Variants in TNS1 observed in about 807,000 individuals in gnomAD.
TNS1 encodes the protein tensin 1.
A neutral mutation model predicts 168.6 loss-of-function variants in TNS1; 62 were observed. The observed-to-expected ratio is 0.37, with a 90% confidence interval of 0.30 to 0.45. The LOEUF (loss-of-function observed/expected upper bound fraction) is 0.45, where lower values mean the gene tolerates loss of function less well. Among genes scored for constraint, TNS1 ranks in the 20% least tolerant of loss-of-function variants. TNS1 has a pLI of 1.00. For missense variants in TNS1, 2,240 were observed against 2,339.4 expected (o/e 0.96, Z 0.88); for synonymous variants, 934 against 933.2 (o/e 1.00, Z -0.02).
intron 18 of TNS1, among the ~76,000 whole-genome samples, chr2:217,869,496 C>T (rs1574887121): frequency 1.3e-5 from 2 of 152,284 alleles, no homozygotes; most frequent in East Asian, 3.9e-4. Context: ...CAAGAAGGCC[C>T]ACTGTAGGAG....
chr2:217,977,868 G>C (rs900981406), intron 3 of TNS1, among the ~76,000 whole-genome samples: 26 of 152,314 alleles, frequency 1.7e-4, no homozygotes, highest in Non-Finnish European at 3.2e-4. Context: ...CAAACGTAGG[G>C]AGTGAAAGGG....
At chr2:217,978,668 C>A in intron 3 of TNS1, 97 bp downstream of exon 3, 1 of 641,768 alleles carries the variant, frequency 1.6e-6, no homozygotes, top group Non-Finnish European at 2.8e-6. Flanking sequence ...ACGCCCCGGG[C>A]ACCGCCCCCG....
At chr2:217,946,994 C>T (rs917705116) in intron 3 of TNS1, among the ~76,000 whole-genome samples, 1 of 151,012 alleles carries the variant, frequency 6.6e-6, no homozygotes. Context: ...CACACACACA[C>T]AGTAAAAACT....
chr2:217,862,386 C>T, intron 18 of TNS1, among the ~76,000 whole-genome samples: 1 of 152,244 alleles, frequency 6.6e-6, no homozygotes, highest in Middle Eastern at 3.4e-3. Context: ...TGGTATTACT[C>T]TGTCTTCAGA....
rs767385772 is a variant in TNS1, at chr2:217,818,676, A to T, written c.3656T>A (p.Phe1219Tyr). 1.2e-6 allele frequency: 2 copies of T among 1,614,214 alleles called. No homozygotes were observed. Among genetic ancestry groups the T allele is most frequent in the East Asian group, 4.5e-5 (2 of 44,890 alleles). ...TPTQPLLESG[F>Y]RSGSLGQPSP... ...GGGCTGTCCCAGGCTGCCTGAGCGG[A>T]AGCCAGACTCCAACAGAGGCTGGGT... Residue 1219 changes from phenylalanine to tyrosine, a missense_variant, in exon 24 of 33, where the codon TTC becomes TAC. This residue lies in a region of TNS1 where 2,131 missense variants were observed against 2,171.2 expected (regional missense o/e 0.98). Coordinates refer to ENST00000682258, the MANE Select transcript of TNS1 (RefSeq NM_001387777.1).
At chr2:217,892,429 C>T (rs866536149) in intron 11 of TNS1, among the ~76,000 whole-genome samples, 27 of 152,304 alleles carry the variant, frequency 1.8e-4, no homozygotes, top group Middle Eastern at 6.8e-3. Context: ...AATAACAAAA[C>T]GAATGGGTGA....
chr2:217,884,958 C>G (rs1413080918), intron 16 of TNS1, 77 bp downstream of exon 16: 13 of 1,578,796 alleles, frequency 8.2e-6, no homozygotes, highest in Non-Finnish European at 1.0e-5. Flanking sequence ...GGTCCCCATA[C>G]CCACCATATC....
chr2:217,818,268 G>T lies in TNS1; in HGVS notation c.4064C>A (p.Ala1355Glu), dbSNP rs1184867216. ...GAGGCCAGAAACCTGGTAGACCCCTGCTGGGTGCCGACACAGGCTGGGGCT... is the reference window on the plus strand; with the variant it reads ...GAGGCCAGAAACCTGGTAGACCCCTTCTGGGTGCCGACACAGGCTGGGGCT... ...PGSPSLCRHP[A>E]GVYQVSGLHN... The change falls in exon 24 of 33, where the codon GCA becomes GAA. Residue 1355 changes from alanine (A) to glutamate (E), a missense_variant. Ala to Glu is a moderately radical substitution (Grantham distance 107). Around this residue, in one of 2 missense-constraint regions of TNS1, gnomAD observed 2,131 missense variants for 2,171.2 expected, o/e 0.98. Transcript: ENST00000682258. 3 of 1,613,254 alleles carry T rather than the reference G, an allele frequency of 1.9e-6. No homozygotes were observed. The highest frequency in any genetic ancestry group is 2.5e-6 in the Non-Finnish European group (3 of 1,179,648).
chr2:217,804,142 A>C lies in TNS1; in HGVS notation c.*317T>G. The C allele has an allele frequency of 3.9e-6, 1 of 253,986 alleles. No individual in the cohort carries two copies. The highest frequency in any genetic ancestry group is 7.6e-6 in the Non-Finnish European group (1 of 131,758). The allele number at this position is 253,986 out of a possible 1,614,324, so 15.7% of individuals were successfully genotyped here. A position where few individuals can be genotyped will look rare whatever the true frequency, so the allele number is the denominator to read the frequency against. ...GGTTTGTTCCTTCTCTTTTGAGGACATCCATCTTCTTAGGGGAGGGAGGGG... is the reference window on the plus strand; with the variant it reads ...GGTTTGTTCCTTCTCTTTTGAGGACCTCCATCTTCTTAGGGGAGGGAGGGG... On this transcript the variant is annotated 3_prime_UTR_variant, in exon 33 of 33. Transcript: ENST00000682258.
chr2:217,914,613 G>A (rs1954797639), intron 4 of TNS1, among the ~76,000 whole-genome samples: 1 of 152,208 alleles, frequency 6.6e-6, no homozygotes, highest in Non-Finnish European at 1.5e-5. Flanking sequence ...AGCCTCCCAA[G>A]TAGCTAGGAC....
chr2:217,862,033 T>C (rs1948827498), intron 18 of TNS1, among the ~76,000 whole-genome samples: 1 of 152,198 alleles, frequency 6.6e-6, no homozygotes, highest in African/African-American at 2.4e-5. Context: ...TGCCATTCCA[T>C]TAACAAATAC....
chr2:217,903,374 C>A (rs539068523), intron 6 of TNS1, among the ~76,000 whole-genome samples: 1 of 152,332 alleles, frequency 6.6e-6, no homozygotes, highest in South Asian at 2.1e-4. Context: ...CTTCTGCCTA[C>A]TCCGCGTGGA....
chr2:217,983,596 G>C (rs757739337), intron 2 of TNS1, among the ~76,000 whole-genome samples: 1 of 152,206 alleles, frequency 6.6e-6, no homozygotes, highest in Non-Finnish European at 1.5e-5. Flanking sequence ...CCTGCCTCTC[G>C]GGAACACAGG....
Position 217,950,775 on chromosome 2 carries a change from C to CCG in TNS1, c.186+27988_186+27989dup, listed in dbSNP as rs1957221435. ...GTTCCCCTCCCTCCTCTGCTGTCAC[C>CCG]CGCACGGCCCTCTTCCTCCTCTGCA... is the stretch of plus-strand genomic sequence containing the variant. On this transcript the variant is annotated intron_variant, in intron 3 of 32. Coordinates refer to ENST00000682258, the MANE Select transcript of TNS1 (RefSeq NM_001387777.1). Among the ~76,000 whole-genome samples the CCG allele has an allele frequency of 7.9e-5, 12 of 151,704 alleles. No individual in the cohort carries two copies. In the South Asian group the frequency reaches 2.5e-3, roughly 32 times the overall value.
chr2:217,893,897 C>T (rs1952006716), intron 9 of TNS1, among the ~76,000 whole-genome samples: 1 of 152,206 alleles, frequency 6.6e-6, no homozygotes, highest in Admixed American at 6.5e-5. Flanking sequence ...AGCTGATGAC[C>T]CCAAGGTCCC....
intron 1 of TNS1, among the ~76,000 whole-genome samples, chr2:218,024,564 C>A (rs141400239): frequency 3.3e-5 from 5 of 152,064 alleles, no homozygotes; most frequent in Admixed American, 6.5e-5. Flanking sequence ...GCTCAGTGCC[C>A]AGAAATAGTC....
chr2:217,985,287 G>C (rs532386670), intron 2 of TNS1, among the ~76,000 whole-genome samples: 1 of 152,186 alleles, frequency 6.6e-6, no homozygotes, highest in East Asian at 1.9e-4. Flanking sequence ...TGCTGGTTAA[G>C]ATTCACTGAA....
At chr2:217,900,423 G>T in intron 7 of TNS1, 40 bp downstream of exon 7, 1 of 1,531,902 alleles carries the variant, frequency 6.5e-7, no homozygotes, top group Non-Finnish European at 8.7e-7. Flanking sequence ...TGACCCCCCT[G>T]CTTGCACTCC....
intron 3 of TNS1, among the ~76,000 whole-genome samples, chr2:217,942,400 G>T (rs909338080): frequency 6.6e-6 from 1 of 152,104 alleles, no homozygotes. Context: ...TCCCATTCGG[G>T]TCTCTCCCCC....
Sources: gnomAD v4.1 joint callset for allele counts (sites outside exome capture counted in the v4.1 genomes callset) on GRCh38, gnomAD v4.1.1 for gene constraint, gnomAD v4.1.1 regional missense constraint, MANE v1.5 for transcripts, NCBI Gene and HGNC (gene_info 2026-07-23, HGNC 2026-07-21) for gene names.